Variants in SAT1 observed in about 807,000 individuals in gnomAD.
The protein encoded by SAT1 is diamine acetyltransferase 1.
Under a neutral mutation model 14.7 loss-of-function variants are expected in SAT1, and 1 was observed. That is an observed-to-expected ratio of 0.07 (90% CI 0.02 to 0.32). SAT1 has a LOEUF of 0.32. SAT1 is among the 10% of genes least tolerant of loss of function. The pLI, the probability that SAT1 is intolerant of heterozygous loss-of-function variation, is 1.00. For synonymous variants in SAT1, 67 were observed against 46.1 expected (o/e 1.45, Z -1.84); for missense variants, 77 against 129.1 (o/e 0.60, Z 1.96).
Position 23,785,318 on chromosome X carries a change from C to T in SAT1, c.203-10C>T. The T allele has an allele frequency of 8.6e-7, 1 of 1,165,765 alleles. No individual in the cohort carries two copies. The highest frequency in any genetic ancestry group is 1.2e-6 in the Non-Finnish European group (1 of 853,472). On this transcript the variant is annotated splice_polypyrimidine_tract_variant and intron_variant, in intron 3 of 5. Transcript: ENST00000379270. The stretch of plus-strand genomic sequence containing the variant: ...CCTTCTCCACATCTCATGTGATGCT[C>T]TTATTACAGGACACAGCATTGTTGG...
intron 3 of SAT1, chrX:23,784,223 T>C: frequency 1.2e-6 from 1 of 868,462 alleles, no homozygotes; most frequent in East Asian, 4.1e-5. Context: ...GGTTCTTGTT[T>C]GACCCTAACG....
intron 3 of SAT1, 182 bp downstream of exon 3, chrX:23,784,065 C>T: frequency 9.0e-7 from 1 of 1,114,256 alleles, no homozygotes; most frequent in Non-Finnish European, 1.2e-6. Flanking sequence ...CTTAAGAATA[C>T]TAGGGCAGGT....
chrX:23,783,499 G>A (rs1209381384), intron 1 of SAT1, 82 bp downstream of exon 1: 1 of 993,707 alleles, frequency 1.0e-6, no homozygotes, highest in Admixed American at 2.7e-5. Context: ...ACGTCTTGAG[G>A]TCTCGGCCGG....
Position 23,785,974 on chromosome X carries a change from T to G in SAT1, c.*118T>G. ...ATGAGCACCCATTCCAAAGCTTTAT[T>G]ACCAGTGGCGTTGTTGCATGTTTGA... On this transcript the variant is annotated 3_prime_UTR_variant, in exon 6 of 6. Coordinates refer to ENST00000379270, the MANE Select transcript of SAT1 (RefSeq NM_002970.4). 8.3e-6 allele frequency: 5 copies of G among 602,366 alleles called. No homozygotes were observed. The highest frequency in any genetic ancestry group is 1.2e-5 in the Non-Finnish European group (5 of 409,242). 49.6% of individuals were successfully genotyped at this position (602,366 alleles called of 1,213,427 possible). A position where few individuals can be genotyped will look rare whatever the true frequency, so the allele number is the denominator to read the frequency against.
intron 4 of SAT1, 34 bp downstream of exon 4, chrX:23,785,463 G>C (rs201091896): frequency 1.9e-4 from 217 of 1,149,052 alleles, no homozygotes; most frequent in Non-Finnish European, 2.5e-4. Flanking sequence ...GGTCTGAAGA[G>C]AGTTCAGAGT....
intron 1 of SAT1, 68 bp from the exon 2 acceptor site, chrX:23,783,590 C>T: frequency 2.1e-6 from 2 of 961,812 alleles, no homozygotes; most frequent in Non-Finnish European, 2.8e-6. Context: ...ATTCCGTTCC[C>T]CTGAGCTGGC....
Position 23,785,976 on chromosome X carries a change from C to T in SAT1, c.*120C>T. On this transcript the variant is annotated 3_prime_UTR_variant, in exon 6 of 6. Coordinates refer to ENST00000379270, the MANE Select transcript of SAT1 (RefSeq NM_002970.4). ...GAGCACCCATTCCAAAGCTTTATTA[C>T]CAGTGGCGTTGTTGCATGTTTGAAA... The T allele has an allele frequency of 3.3e-6, 2 of 599,026 alleles. No homozygotes were observed. Among genetic ancestry groups the T allele is most frequent in the Non-Finnish European group, 4.9e-6 (2 of 407,588 alleles). 49.4% of individuals were successfully genotyped at this position (599,026 alleles called of 1,213,427 possible). A position where few individuals can be genotyped will look rare whatever the true frequency, so the allele number is the denominator to read the frequency against.
At chrX:23,784,335 T>C in intron 3 of SAT1, 1 of 834,162 alleles carries the variant, frequency 1.2e-6, no homozygotes, top group Non-Finnish European at 1.4e-6. Context: ...CCCTTCCGTG[T>C]ACATGGATGG....
At chrX:23,783,574 C>CCCCCCCCT in intron 1 of SAT1, 84 bp from the exon 2 acceptor site, 1 of 718,044 alleles carries the variant, frequency 1.4e-6, no homozygotes, top group Non-Finnish European at 2.0e-6. Flanking sequence ...CCCGCCCGCC[C>CCCCCCCCT]GCCCCATTCC....
rs144320087 is a variant in SAT1 at position 23,785,614 on chromosome X, G to A, written c.345+54G>A. The A allele has an allele frequency of 4.5e-4, 530 of 1,182,478 alleles. 2 individuals carry two copies. The African/African-American group carries it at 8.5e-3, about 19-fold the overall frequency. On this transcript the variant is annotated intron_variant, in intron 5 of 5. Transcript: ENST00000379270. The stretch of plus-strand genomic sequence containing the variant: ...TGTAAGTTTACTGGATTATTTTAAT[G>A]ATGGAATAAAAATTGGGTCTTGAGA...
intron 1 of SAT1, 27 bp downstream of exon 1, chrX:23,783,444 G>C: frequency 8.5e-7 from 1 of 1,179,118 alleles, no homozygotes. Flanking sequence ...GCTCCTCCCG[G>C]GGCGTGGGGT....
Position 23,785,453 on chromosome X carries a change from G to A in SAT1, c.304+24G>A, listed in dbSNP as rs1276860817. On this transcript the variant is annotated intron_variant, in intron 4 of 5. Coordinates refer to ENST00000379270, the MANE Select transcript of SAT1 (RefSeq NM_002970.4). ...AGGTACGATTGAGTTCGGAGCAGAG[G>A]GTCTGAAGAGAGTTCAGAGTTATAA... 2.6e-6 allele frequency: 3 copies of A among 1,153,906 alleles called. No homozygotes were observed. The African/African-American group carries it at 5.3e-5, about 20-fold the overall frequency.
intron 3 of SAT1, chrX:23,784,229 T>G: frequency 3.5e-6 from 3 of 859,529 alleles, no homozygotes; most frequent in Non-Finnish European, 3.0e-6. Flanking sequence ...TGTTTGACCC[T>G]AACGTAACAG....
In SAT1 at chrX:23,784,392, A is replaced by T. The variant is rs1391527799; in HGVS notation, c.202+509A>T. 8 of 703,453 alleles carry T rather than the reference A, an allele frequency of 1.1e-5. No individual in the cohort carries two copies. In the Admixed American group the frequency reaches 3.3e-4, roughly 29 times the overall value. 58.0% of individuals were successfully genotyped at this position (703,453 alleles called of 1,213,427 possible). On this transcript the variant is annotated intron_variant, in intron 3 of 5. Coordinates refer to ENST00000379270, the MANE Select transcript of SAT1 (RefSeq NM_002970.4). ...CCTTTACACAATAAAGTAGATGATC[A>T]TGATAAATGAGGTAAGGTCCTATTA...
intron 3 of SAT1, 180 bp downstream of exon 3, chrX:23,784,063 T>C (rs1370926281): frequency 9.0e-7 from 1 of 1,113,648 alleles, no homozygotes; most frequent in African/African-American, 1.9e-5. Flanking sequence ...CACTTAAGAA[T>C]ACTAGGGCAG....
rs879233654 is a variant in SAT1, at chrX:23,783,421, G to T, written c.66+4G>T. 2 of 1,203,550 alleles carry T rather than the reference G, an allele frequency of 1.7e-6. No individual in the cohort carries two copies. Among genetic ancestry groups the T allele is most frequent in the Non-Finnish European group, 2.2e-6 (2 of 889,831 alleles). ...TGACATACTGCGGCTGATCAAGGTA[G>T]CGGAGAGCCAGAGCTCCTCCCGGGG... is the stretch of plus-strand genomic sequence containing the variant. On this transcript the variant is annotated splice_donor_region_variant and intron_variant, in intron 1 of 5. Transcript: ENST00000379270.
At chrX:23,784,810 A>T (rs1259355516) in intron 3 of SAT1, 1 of 113,169 alleles carries the variant, frequency 8.8e-6, no homozygotes, top group Non-Finnish European at 1.8e-5. Flanking sequence ...AAATGCGTAA[A>T]TTGGAAGGCA....
rs896172922 is a variant in SAT1 at position 23,783,193 on chromosome X, C to T, written c.-159C>T. 1.9e-4 allele frequency: 93 copies of T among 490,084 alleles called. No individual in the cohort carries two copies. Among genetic ancestry groups the T allele is most frequent in the Non-Finnish European group, 2.8e-4 (77 of 274,421 alleles). The allele number at this position is 490,084 out of a possible 1,213,427, so 40.4% of individuals were successfully genotyped here. A position where few individuals can be genotyped will look rare whatever the true frequency, so the allele number is the denominator to read the frequency against. Reference sequence around the variant, plus strand: ...CAAATGCGCAGCTCTTAGTCGCGGGCCGACTGGTGTTTATCCGTCACTCGC... The same window carrying T: ...CAAATGCGCAGCTCTTAGTCGCGGGTCGACTGGTGTTTATCCGTCACTCGC... On this transcript the variant is annotated 5_prime_UTR_variant, in exon 1 of 6. Transcript: ENST00000379270.
chrX:23,783,571 G>A (rs1178468617), intron 1 of SAT1, 87 bp from the exon 2 acceptor site: 2 of 390,798 alleles, frequency 5.1e-6, no homozygotes, highest in South Asian at 4.2e-5. Context: ...CACCCCGCCC[G>A]CCCGCCCCAT....
Sources: gnomAD v4.1 joint callset for allele counts on GRCh38, gnomAD v4.1.1 for gene constraint, MANE v1.5 for transcripts, NCBI Gene and HGNC (gene_info 2026-07-23, HGNC 2026-07-21) for gene names.